The following TBX2 variants were observed in gnomAD, a reference collection of about 807,000 sequenced individuals.
TBX2 encodes the protein T-box transcription factor TBX2.
TBX2 carries 19 observed loss-of-function variants against 48.4 expected under a neutral mutation model. The observed-to-expected ratio is 0.39, with a 90% CI of 0.27 to 0.58. TBX2 has a LOEUF of 0.58. TBX2 is among the 20% of genes least tolerant of loss of function. The pLI is 0.54. For synonymous variants in TBX2, 522 were observed against 459.7 expected (o/e 1.14, Z -1.73); for missense variants, 994 against 1,006.5 (o/e 0.99, Z 0.17).
Position 61,407,167 on chromosome 17 carries a change from T to G in TBX2, c.1687-887T>G, listed in dbSNP as rs568163543. ...GAAGCCTCCCTCCTTCCTCCCAACC[T>G]GGGATGCCAGGTCTGAAATGCCCAG... On this transcript the variant is annotated intron_variant, in intron 6 of 6. Transcript: ENST00000240328. 4 of 152,314 alleles carry G rather than the reference T, an allele frequency of 2.6e-5. No individual in the cohort carries two copies. The East Asian group carries it at 7.7e-4, about 29-fold the overall frequency. 9.4% of individuals were successfully genotyped at this position (152,314 alleles called of 1,614,324 possible).
intron 2 of TBX2, 87 bp downstream of exon 2, chr17:61,402,038 C>T: frequency 6.6e-7 from 1 of 1,504,182 alleles, no homozygotes; most frequent in Non-Finnish European, 8.8e-7. Context: ...GCAGGATCTC[C>T]CAGGGGGAAG....
chr17:61,400,327 C>A lies in TBX2; in HGVS notation c.151C>A (p.Pro51Thr), dbSNP rs1310182116. Reference sequence around the variant, plus strand: ...GCTGCCGCCCGGCGCGCTGGCCAAGCCGCTGCCCGACCCGGGCCTGGCGGG... The same window carrying A: ...GCTGCCGCCCGGCGCGCTGGCCAAGACGCTGCCCGACCCGGGCCTGGCGGG... Reference protein sequence around the residue: ...LALPPGALAKPLPDPGLAGAA... With the variant: ...LALPPGALAKTLPDPGLAGAA... Residue 51 changes from proline to threonine, a missense_variant, in exon 1 of 7, where the codon CCG (proline) becomes ACG (threonine). Physicochemically the swap from Pro to Thr is conservative, Grantham distance 38. Coordinates refer to ENST00000240328, the MANE Select transcript of TBX2 (RefSeq NM_005994.4). This position sits in a 1 kb window ranked among gnomAD's most constrained non-coding sequence, Gnocchi z 9.2. The A allele has an allele frequency of 4.9e-6, 5 of 1,021,002 alleles. No homozygotes were observed. Among genetic ancestry groups the A allele is most frequent in the South Asian group, 3.6e-5 (1 of 27,824 alleles). The allele number at this position is 1,021,002 out of a possible 1,614,324, so 63.2% of individuals were successfully genotyped here.
intron 1 of TBX2, among the ~76,000 whole-genome samples, chr17:61,401,362 AT>A (rs1336837678): frequency 5.3e-5 from 8 of 152,206 alleles, no homozygotes; most frequent in Admixed American, 5.2e-4. Flanking sequence ...AAGCGAGAAT[AT>A]TTCTAGAGGG....
chr17:61,408,392 G>A lies in TBX2; in HGVS notation c.2025G>A (p.Leu675=), dbSNP rs1363302154. 3.2e-6 allele frequency: 5 copies of A among 1,558,108 alleles called. No homozygotes were observed. In the African/African-American group the frequency reaches 5.5e-5, roughly 17 times the overall value. ...TAGGGGCCCCATCCCGCGGTGCCCT[G>A]TCGCCCAGTGGCTCGGCCAAGGAGG... The part of the protein sequence containing the change: ...RKVGAPSRGA[L]SPSGSAKEAA... Residue 675 remains leucine (L), a synonymous_variant, in exon 7 of 7, where the codon CTG becomes CTA. Coordinates refer to ENST00000240328, the MANE Select transcript of TBX2 (RefSeq NM_005994.4).
chr17:61,402,914 G>A (rs1033227237), intron 2 of TBX2, 147 bp from the exon 3 acceptor site: 1 of 893,918 alleles, frequency 1.1e-6, no homozygotes, highest in African/African-American at 1.9e-5. Flanking sequence ...AGAAAATGGG[G>A]AAGAGGAAGA....
In TBX2 at chr17:61,400,457, G is replaced by A. The variant is rs918353769; in HGVS notation, c.281G>A (p.Ser94Asn). The A allele has an allele frequency of 1.3e-6, 2 of 1,596,628 alleles. No homozygotes were observed. Among genetic ancestry groups the A allele is most frequent in the African/African-American group, 1.3e-5 (1 of 74,688 alleles). Residue 94 changes from serine (S) to asparagine (N), a missense_variant, in exon 1 of 7, where the codon AGC becomes AAC. By Grantham distance (46) the Ser-to-Asn change is conservative (BLOSUM62 1). Coordinates refer to ENST00000240328, the MANE Select transcript of TBX2 (RefSeq NM_005994.4). This position sits in a 1 kb window ranked among gnomAD's most constrained non-coding sequence, Gnocchi z 9.2. ...PPAAHLRSLK[S>N]LEPEDEVEDD... is the part of the protein sequence containing the mutation. ...GCCGCGCATCTGCGCTCCCTCAAGA[G>A]CCTGGAGCCCGAGGACGAGGTGGAG...
rs756068959 is a variant in TBX2 at position 61,404,487 on chromosome 17, C to A, written c.877C>A (p.Arg293=). The part of the protein sequence containing the change: ...KGFRDTGNGR[R]EKRKQLTLPS... ...CTTCCGGGACACCGGGAACGGCCGG[C>A]GGGAGAAAAGGTGAGAGGCCGAGGA... is the stretch of plus-strand genomic sequence containing the variant. The change falls in exon 4 of 7, where the codon CGG becomes AGG. Residue 293 remains arginine (R), a synonymous_variant. Transcript: ENST00000240328. The A allele has an allele frequency of 1.9e-6, 3 of 1,611,332 alleles. No individual in the cohort carries two copies. The African/African-American group carries it at 4.0e-5, about 22-fold the overall frequency.
At position 61,405,287 on chromosome 17, in the gene TBX2, C is replaced by A. The variant is rs1177617905; in HGVS notation, c.1137C>A (p.Ser379Arg). Residue 379 changes from serine to arginine, a missense_variant, in exon 6 of 7, where the codon AGC becomes AGA. Transcript: ENST00000240328. ...EERAGAPLGRSPAPDSASPTR... is the reference protein window; with the variant it reads ...EERAGAPLGRRPAPDSASPTR... ...GTGCGGGGGCGCCGCTAGGCCGCAG[C>A]CCGGCTCCAGACAGCGCCAGCCCCA... The A allele has an allele frequency of 1.3e-6, 2 of 1,562,912 alleles. No homozygotes were observed. The highest frequency in any genetic ancestry group is 2.3e-5 in the South Asian group (2 of 85,854).
intron 6 of TBX2, 29 bp downstream of exon 6, chr17:61,405,865 A>G (rs774759898): frequency 1.6e-6 from 2 of 1,286,334 alleles, no homozygotes; most frequent in Non-Finnish European, 2.0e-6. Context: ...CGGCAGCGCC[A>G]GCGAGGGAGA....
Position 61,408,320 on chromosome 17 carries a change from A to G in TBX2, c.1953A>G (p.Gly651=). 1 of 1,610,660 alleles carries G rather than the reference A, an allele frequency of 6.2e-7. No homozygotes were observed. The highest frequency in any genetic ancestry group is 8.5e-7 in the Non-Finnish European group (1 of 1,179,132). ...CTGAGGGCTCCAAGGCCGCTGGTGG[A>G]AACAGCCGGGAGCCTAGCCCCCTGC... ...LASEGSKAAG[G]NSREPSPLPE... is the part of the protein sequence containing the mutation. The change falls in exon 7 of 7, where the codon GGA becomes GGG. Residue 651 remains glycine, a synonymous_variant. Transcript: ENST00000240328.
At position 61,408,693 on chromosome 17, in the gene TBX2, A is replaced by G; in HGVS notation, c.*187A>G. ...ACTTCCCTGGGCCTCAACAAGGATC[A>G]GGCTGCTGGAAACACAGTCACTTGG... On this transcript the variant is annotated 3_prime_UTR_variant, in exon 7 of 7. Transcript: ENST00000240328. 2 of 506,042 alleles carry G rather than the reference A, an allele frequency of 4.0e-6. No individual in the cohort carries two copies. The highest frequency in any genetic ancestry group is 6.4e-6 in the Non-Finnish European group (2 of 310,514). 31.3% of individuals were successfully genotyped at this position (506,042 alleles called of 1,614,324 possible).
intron 6 of TBX2, chr17:61,407,411 G>A (rs2060293426): frequency 1.3e-5 from 2 of 152,296 alleles, no homozygotes. Flanking sequence ...GAAGGTGCTT[G>A]TCCAGGAGTT....
At position 61,401,697 on chromosome 17, in the gene TBX2, C is replaced by G. The variant is rs778364019; in HGVS notation, c.409C>G (p.Pro137Ala). ...ITKSGRRMFP[P>A]FKVRVSGLDK... ...CCTCCCTCCCAGGCGGATGTTCCCCCCCTTCAAGGTGCGAGTCAGCGGCCT... is the reference window on the plus strand; with the variant it reads ...CCTCCCTCCCAGGCGGATGTTCCCCGCCTTCAAGGTGCGAGTCAGCGGCCT... Residue 137 changes from proline to alanine, a missense_variant, in exon 2 of 7, where the codon CCC becomes GCC. By Grantham distance (27) the Pro-to-Ala change is conservative. This residue lies in a region of TBX2 where 153 missense variants were observed against 166.2 expected (regional missense o/e 0.92). Transcript: ENST00000240328. 6.2e-6 allele frequency: 10 copies of G among 1,612,128 alleles called. No individual in the cohort carries two copies. Among genetic ancestry groups the G allele is most frequent in the Admixed American group, 5.0e-5 (3 of 59,974 alleles).
chr17:61,408,580 C>T lies in TBX2; in HGVS notation c.*74C>T. The T allele has an allele frequency of 7.7e-7, 1 of 1,292,660 alleles. No homozygotes were observed. Among genetic ancestry groups the T allele is most frequent in the Non-Finnish European group, 1.0e-6 (1 of 992,864 alleles). The allele number at this position is 1,292,660 out of a possible 1,614,324, so 80.1% of individuals were successfully genotyped here. A position where few individuals can be genotyped will look rare whatever the true frequency, so the allele number is the denominator to read the frequency against. On this transcript the variant is annotated 3_prime_UTR_variant, in exon 7 of 7. Transcript: ENST00000240328. ...CCCCTGCTGCTTGGGACGTGTACAG[C>T]ACAGAATGAGTATTTATTTAAATAA...
In TBX2 at chr17:61,400,386, G is replaced by C. The variant is rs1010868873; in HGVS notation, c.210G>C (p.Ala70=). 3 of 1,182,532 alleles carry C rather than the reference G, an allele frequency of 2.5e-6. No individual in the cohort carries two copies. The African/African-American group carries it at 4.9e-5, about 19-fold the overall frequency. 73.3% of individuals were successfully genotyped at this position (1,182,532 alleles called of 1,614,324 possible). Residue 70 remains alanine (A), a synonymous_variant, in exon 1 of 7, where the codon GCG becomes GCC. Transcript: ENST00000240328. The surrounding 1 kb of genome is among the most constrained non-coding windows in gnomAD (Gnocchi z 9.2). The stretch of plus-strand genomic sequence containing the variant: ...CCGCGGCGGCGGCGGCGGCAGCAGC[G>C]GCCGAGGCGGGGCTGCACGTCTCGG... ...AAAAAAAAAA[A]AEAGLHVSAL... is the part of the protein sequence containing the mutation.
chr17:61,401,672 C>A lies in TBX2; in HGVS notation c.396-12C>A. On this transcript the variant is annotated splice_polypyrimidine_tract_variant and intron_variant, in intron 1 of 6. Transcript: ENST00000240328. ...GGTTCCAATGGGATCTCCTCCCTTC[C>A]CTCCCTCCCAGGCGGATGTTCCCCC... 1 of 1,608,442 alleles carries A rather than the reference C, an allele frequency of 6.2e-7. No individual in the cohort carries two copies. The highest frequency in any genetic ancestry group is 8.5e-7 in the Non-Finnish European group (1 of 1,177,294).
In TBX2 at chr17:61,400,367, C is replaced by A; in HGVS notation, c.191C>A (p.Ala64Glu). 1.9e-6 allele frequency: 2 copies of A among 1,053,834 alleles called. No homozygotes were observed. The highest frequency in any genetic ancestry group is 2.3e-6 in the Non-Finnish European group (2 of 876,802). The allele number at this position is 1,053,834 out of a possible 1,614,324, so 65.3% of individuals were successfully genotyped here. A position where few individuals can be genotyped will look rare whatever the true frequency, so the allele number is the denominator to read the frequency against. The change falls in exon 1 of 7, where the codon GCG becomes GAG. Residue 64 changes from alanine (A) to glutamate (E), a missense_variant. Physicochemically the swap from Ala to Glu is moderately radical, Grantham distance 107. Around this residue, in one of 5 missense-constraint regions of TBX2, gnomAD observed 165 missense variants for 136.8 expected, o/e 1.21. Transcript: ENST00000240328. The surrounding 1 kb of genome is among the most constrained non-coding windows in gnomAD (Gnocchi z 9.2). ...DPGLAGAAAA[A>E]AAAAAAAEAG... ...GGCCTGGCGGGGGCGGCGGCCGCGG[C>A]GGCGGCGGCGGCAGCAGCGGCCGAG...
intron 2 of TBX2, 133 bp from the exon 3 acceptor site, chr17:61,402,927 CG>C: frequency 3.1e-6 from 1 of 323,698 alleles, no homozygotes; most frequent in Non-Finnish European, 4.5e-6. Context: ...GAGGAAGAAC[CG>C]ATAGAGAGAG....
Position 61,408,310 on chromosome 17 carries a change from C to G in TBX2, c.1943C>G (p.Ala648Gly). 1 of 1,611,810 alleles carries G rather than the reference C, an allele frequency of 6.2e-7. No individual in the cohort carries two copies. Among genetic ancestry groups the G allele is most frequent in the Non-Finnish European group, 8.5e-7 (1 of 1,179,570 alleles). The change falls in exon 7 of 7, where the codon GCC becomes GGC. Residue 648 changes from alanine (A) to glycine (G), a missense_variant. Physicochemically the swap from Ala to Gly is moderately conservative, Grantham distance 60. Transcript: ENST00000240328. ...TTGLASEGSK[A>G]AGGNSREPSP... ...GGGCTGGCCTCTGAGGGCTCCAAGG[C>G]CGCTGGTGGAAACAGCCGGGAGCCT...
Sources: gnomAD v4.1 joint callset for allele counts (sites outside exome capture counted in the v4.1 genomes callset) on GRCh38, gnomAD v4.1.1 for gene constraint, gnomAD v4.1.1 regional missense constraint, Gnocchi (gnomAD v3.1) non-coding constraint, MANE v1.5 for transcripts, NCBI Gene and HGNC (gene_info 2026-07-23, HGNC 2026-07-21) for gene names.